MYO1B: variants seen among roughly 807,000 people sequenced by gnomAD.
The protein encoded by MYO1B is myosin IB.
Under a neutral mutation model 159.7 loss-of-function variants are expected in MYO1B, and 72 were observed. That is an observed-to-expected ratio of 0.45 (90% CI 0.37 to 0.55). MYO1B has a LOEUF of 0.55. MYO1B is among the 20% of genes least tolerant of loss of function. The pLI is 0.00. For missense variants in MYO1B, 1,062 were observed against 1,364.8 expected, an observed-to-expected ratio of 0.78 and a Z score of 3.50; for synonymous variants, 468 against 473.8, an observed-to-expected ratio of 0.99 and a Z score of 0.16.
In MYO1B at chr2:191,369,392, TTTGA is replaced by T. The variant is rs757574038; in HGVS notation, c.1033-146_1033-143del. ...ACAATTTGCCTAATTCTCTTAAAGGTTTGATTGTTTATGATACAAGAAAACTGGT... is the reference window on the plus strand; with the variant it reads ...ACAATTTGCCTAATTCTCTTAAAGGTTTGTTTATGATACAAGAAAACTGGT... On this transcript the variant is annotated intron_variant, in intron 11 of 30. Transcript: ENST00000392318. 143 of 580,674 alleles carry T rather than the reference TTTGA, an allele frequency of 2.5e-4. 1 individual carries two copies. Among genetic ancestry groups the T allele is most frequent in the Non-Finnish European group, 1.0e-4 (35 of 339,436 alleles). 36.0% of individuals were successfully genotyped at this position (580,674 alleles called of 1,614,324 possible). A position where few individuals can be genotyped will look rare whatever the true frequency, so the allele number is the denominator to read the frequency against.
At chr2:191,247,094 G>A (rs1296257035) in intron 1 of MYO1B, among the ~76,000 whole-genome samples, 3 of 152,224 alleles carry the variant, frequency 2.0e-5, no homozygotes, top group Non-Finnish European at 4.4e-5. Context: ...AAGCAAAACT[G>A]TTTTGGGAGG....
chr2:191,409,980 T>C (rs906946084), intron 26 of MYO1B, among the ~76,000 whole-genome samples: 2 of 152,170 alleles, frequency 1.3e-5, no homozygotes, highest in Non-Finnish European at 2.9e-5. Context: ...GGTGGGCTTG[T>C]TTTTTTGTTA....
Position 191,393,088 on chromosome 2 carries a change from G to T in MYO1B, c.2092G>T (p.Asp698Tyr). The part of the protein sequence containing the change: ...RNPRTLFKLE[D>Y]LRKQRLEDLA... ...TTCTTATTAGTTATTCAAATTAGAA[G>T]ACCTGAGGAAGCAACGCCTGGAGGA... Residue 698 changes from aspartate (D) to tyrosine (Y), a missense_variant, in exon 20 of 31, where the codon GAC (aspartate) becomes TAC (tyrosine). Asp to Tyr is a radical substitution (Grantham distance 160). Around this residue, in one of 5 missense-constraint regions of MYO1B, gnomAD observed 609 missense variants for 744.4 expected, o/e 0.82. Coordinates refer to ENST00000392318, the MANE Select transcript of MYO1B (RefSeq NM_001130158.3). The T allele has an allele frequency of 3.1e-6, 5 of 1,613,062 alleles. No homozygotes were observed. The highest frequency in any genetic ancestry group is 1.7e-6 in the Non-Finnish European group (2 of 1,179,462).
At chr2:191,309,430 C>G (rs926014274) in intron 3 of MYO1B, among the ~76,000 whole-genome samples, 1 of 152,116 alleles carries the variant, frequency 6.6e-6, no homozygotes, top group Non-Finnish European at 1.5e-5. Context: ...CCGCCTGCCT[C>G]CCCTCAACCG....
chr2:191,263,450 T>A, intron 1 of MYO1B: 1 of 431,906 alleles, frequency 2.3e-6, no homozygotes, highest in Non-Finnish European at 3.1e-6. Flanking sequence ...AAAAGAACTC[T>A]AGTTTTTCTA....
intron 3 of MYO1B, among the ~76,000 whole-genome samples, chr2:191,313,037 C>T (rs1229743237): frequency 1.3e-5 from 2 of 151,998 alleles, no homozygotes; most frequent in African/African-American, 2.4e-5. Flanking sequence ...AGTGGCAGGC[C>T]TTCCTAGCTC....
At chr2:191,387,498 C>T (rs773862167) in intron 17 of MYO1B, 48 bp downstream of exon 17, 9 of 1,503,160 alleles carry the variant, frequency 6.0e-6, no homozygotes, top group Admixed American at 3.3e-5. Context: ...GAGAGCACCC[C>T]GAAGGAATAT....
intron 2 of MYO1B, among the ~76,000 whole-genome samples, chr2:191,292,911 A>G (rs1688768286): frequency 6.6e-6 from 1 of 152,210 alleles, no homozygotes; most frequent in Non-Finnish European, 1.5e-5. Context: ...ATTTTCTGCT[A>G]GTCTCACCTG....
chr2:191,248,028 C>G (rs1685890596), intron 1 of MYO1B: 38 of 985,352 alleles, frequency 3.9e-5, no homozygotes, highest in Non-Finnish European at 4.6e-5. Flanking sequence ...TGGTGTTTGG[C>G]TAAGAAGGGA....
intron 1 of MYO1B, 149 bp from the exon 2 acceptor site, chr2:191,276,738 G>A: frequency 1.2e-6 from 1 of 854,426 alleles, no homozygotes; most frequent in Non-Finnish European, 1.7e-6. Context: ...GGCTCCTGAT[G>A]TGGTTCATAG....
At chr2:191,323,653 GGAA>G (rs1281424007) in intron 3 of MYO1B, among the ~76,000 whole-genome samples, 2 of 152,030 alleles carry the variant, frequency 1.3e-5, no homozygotes, top group Non-Finnish European at 2.9e-5. Context: ...TGATTCTAAA[GGAA>G]GAAGAAACTA....
At chr2:191,360,290 G>T (rs1351856806) in intron 7 of MYO1B, among the ~76,000 whole-genome samples, 1 of 152,026 alleles carries the variant, frequency 6.6e-6, no homozygotes, top group African/African-American at 2.4e-5. Flanking sequence ...TAATTGAATG[G>T]CTGTATTTCA....
At chr2:191,397,046 CG>C (rs1431660639) in intron 21 of MYO1B, among the ~76,000 whole-genome samples, 3 of 144,802 alleles carry the variant, frequency 2.1e-5, no homozygotes, top group African/African-American at 7.5e-5. Flanking sequence ...AGCCTGCTTG[CG>C]TGTTCTCATA....
In MYO1B at chr2:191,360,754, T is replaced by TGG. The variant is rs758760123; in HGVS notation, c.661+25_661+26insGG. ...AGTAAGTCTCTGTTTCTATGTGGTG[T>TGG]TGTTGTTGTTGTTGTTGTTGTTGTT... On this transcript the variant is annotated intron_variant, in intron 8 of 30. Transcript: ENST00000392318. 3.9e-5 allele frequency: 31 copies of TGG among 797,056 alleles called. No homozygotes were observed. In the African/African-American group the frequency reaches 5.6e-4, roughly 14 times the overall value. 49.4% of individuals were successfully genotyped at this position (797,056 alleles called of 1,614,324 possible). A position where few individuals can be genotyped will look rare whatever the true frequency, so the allele number is the denominator to read the frequency against.
chr2:191,361,337 A>G (rs1693659183), intron 8 of MYO1B, among the ~76,000 whole-genome samples: 1 of 152,206 alleles, frequency 6.6e-6, no homozygotes, highest in Admixed American at 6.5e-5. Context: ...GTGAATATTT[A>G]AGAATAGTGG....
At chr2:191,307,908 T>A (rs1298494912) in intron 3 of MYO1B, among the ~76,000 whole-genome samples, 1 of 152,154 alleles carries the variant, frequency 6.6e-6, no homozygotes, top group Non-Finnish European at 1.5e-5. Context: ...AGAGCCTCTG[T>A]GCACTCTGGG....
intron 2 of MYO1B, among the ~76,000 whole-genome samples, chr2:191,287,087 G>C (rs1381591540): frequency 6.6e-6 from 1 of 152,136 alleles, no homozygotes; most frequent in Non-Finnish European, 1.5e-5. Context: ...GATTCCAGTA[G>C]AGCCCAGCTA....
chr2:191,295,003 A>G (rs918940902), intron 2 of MYO1B, among the ~76,000 whole-genome samples: 2 of 152,160 alleles, frequency 1.3e-5, no homozygotes, highest in African/African-American at 4.8e-5. Context: ...TGTTGCTCTA[A>G]AAATGGTACC....
At chr2:191,366,187 T>G (rs1406579836) in intron 11 of MYO1B, among the ~76,000 whole-genome samples, 1 of 152,206 alleles carries the variant, frequency 6.6e-6, no homozygotes, top group Non-Finnish European at 1.5e-5. Flanking sequence ...ATGTATATTT[T>G]GGGTCTTTTT....
Sources: gnomAD v4.1 joint callset for allele counts (sites outside exome capture counted in the v4.1 genomes callset) on GRCh38, gnomAD v4.1.1 for gene constraint, gnomAD v4.1.1 regional missense constraint, MANE v1.5 for transcripts, NCBI Gene and HGNC (gene_info 2026-07-23, HGNC 2026-07-21) for gene names.